Variants in KCNK3 observed in about 807,000 individuals in gnomAD.
KCNK3 encodes the protein potassium two pore domain channel subfamily K member 3, also known as potassium channel subfamily K member 3.
KCNK3 carries 9 observed loss-of-function variants against 27.3 expected under a neutral mutation model. The observed-to-expected ratio is 0.33, with a 90% CI of 0.20 to 0.57. KCNK3 has a LOEUF of 0.57. Ranked by LOEUF, KCNK3 falls within the 20% of genes least tolerant of loss-of-function variation. KCNK3 has a pLI of 0.87. For missense variants in KCNK3, 391 were observed against 577.7 expected, an observed-to-expected ratio of 0.68 and a Z score of 3.31; for synonymous variants, 278 against 273.8, an observed-to-expected ratio of 1.02 and a Z score of -0.15.
chr2:26,699,652 T>C (rs765896299), intron 1 of KCNK3, among the ~76,000 whole-genome samples: 1 of 151,868 alleles, frequency 6.6e-6, no homozygotes, highest in South Asian at 2.1e-4. Context: ...CCACTGGGGG[T>C]CTAGGCCAAG....
At position 26,729,237 on chromosome 2, in the gene KCNK3, T is replaced by C. The variant is rs1663491903; in HGVS notation, c.*669T>C. On this transcript the variant is annotated 3_prime_UTR_variant, in exon 2 of 2. Coordinates refer to ENST00000302909, the MANE Select transcript of KCNK3 (RefSeq NM_002246.3). ...GGCAGCGGCCTGTCAGTCTGCAGAA[T>C]GGTCGCACTGGAGGTTCAAGCTAAC... 1 of 152,474 alleles carries C rather than the reference T, an allele frequency of 6.6e-6. No homozygotes were observed. The highest frequency in any genetic ancestry group is 1.5e-5 in the Non-Finnish European group (1 of 68,106). The allele number at this position is 152,474 out of a possible 1,614,324, so 9.4% of individuals were successfully genotyped here.
Position 26,692,767 on chromosome 2 carries a change from C to T in KCNK3, c.-109C>T. 4 of 544,226 alleles carry T rather than the reference C, an allele frequency of 7.3e-6. No individual in the cohort carries two copies. The highest frequency in any genetic ancestry group is 9.3e-6 in the Non-Finnish European group (4 of 428,708). The allele number at this position is 544,226 out of a possible 1,614,324, so 33.7% of individuals were successfully genotyped here. On this transcript the variant is annotated 5_prime_UTR_variant, in exon 1 of 2. Coordinates refer to ENST00000302909, the MANE Select transcript of KCNK3 (RefSeq NM_002246.3). The surrounding 1 kb of genome is among the most constrained non-coding windows in gnomAD (Gnocchi z 5.6). The stretch of plus-strand genomic sequence containing the variant: ...CTGAGCGGGTGCCCGGCGCGGAGAG[C>T]GGCGAGCGCAGCCATGCCCCAGGCC...
Position 26,728,732 on chromosome 2 carries a change from G to A in KCNK3, c.*164G>A, listed in dbSNP as rs1008012263. The A allele has an allele frequency of 1.7e-5, 10 of 578,736 alleles. No individual in the cohort carries two copies. The highest frequency in any genetic ancestry group is 8.2e-5 in the Admixed American group (2 of 24,374). 35.9% of individuals were successfully genotyped at this position (578,736 alleles called of 1,614,324 possible). A position where few individuals can be genotyped will look rare whatever the true frequency, so the allele number is the denominator to read the frequency against. ...CCGACTGTGCCTGCTTGCACCAGCC[G>A]GCAGGAGGCCGGGCTCTGAGGACCC... On this transcript the variant is annotated 3_prime_UTR_variant, in exon 2 of 2. Transcript: ENST00000302909.
chr2:26,723,307 C>T (rs577373140), intron 1 of KCNK3, among the ~76,000 whole-genome samples: 1 of 152,276 alleles, frequency 6.6e-6, no homozygotes, highest in East Asian at 1.9e-4. Flanking sequence ...AAGACAGCTT[C>T]AGCCAGTTTC....
chr2:26,703,285 C>G (rs538862352), intron 1 of KCNK3, among the ~76,000 whole-genome samples: 1 of 152,194 alleles, frequency 6.6e-6, no homozygotes, highest in East Asian at 1.9e-4. Context: ...TAAAGACAAC[C>G]CATTATGAAC....
chr2:26,709,411 A>T (rs1663059220), intron 1 of KCNK3, among the ~76,000 whole-genome samples: 1 of 151,974 alleles, frequency 6.6e-6, no homozygotes, highest in African/African-American at 2.4e-5. Context: ...CTGCCAGGAG[A>T]TGGGAAGGAG....
At position 26,727,242 on chromosome 2, in the gene KCNK3, C is replaced by A. The variant is rs1663436691; in HGVS notation, c.284-425C>A. On this transcript the variant is annotated intron_variant, in intron 1 of 1. Coordinates refer to ENST00000302909, the MANE Select transcript of KCNK3 (RefSeq NM_002246.3). Reference sequence around the variant, plus strand: ...AGAGGACAAGGACCACGCCCGCAGCCCAGGACACTGAACTAGAATCCAGCT... The same window carrying A: ...AGAGGACAAGGACCACGCCCGCAGCACAGGACACTGAACTAGAATCCAGCT... 2.6e-5 allele frequency among the ~76,000 whole-genome samples: 4 copies of A among 152,288 alleles called. No individual in the cohort carries two copies. In the South Asian group the frequency reaches 8.3e-4, roughly 32 times the overall value.
rs763388281 is a variant in KCNK3 at position 26,728,417 on chromosome 2, C to T, written c.1034C>T (p.Ser345Leu). The T allele has an allele frequency of 6.3e-7, 1 of 1,592,446 alleles. No individual in the cohort carries two copies. The highest frequency in any genetic ancestry group is 1.1e-5 in the South Asian group (1 of 90,010). Residue 345 changes from serine to leucine, a missense_variant, in exon 2 of 2, where the codon TCG (serine) becomes TTG (leucine). Transcript: ENST00000302909. ...TSDTCVEQSH[S>L]SPGGGGRYSD... ...GACACGTGCGTGGAGCAGAGCCACTCGTCGCCGGGAGGGGGCGGCCGCTAC... is the reference window on the plus strand; with the variant it reads ...GACACGTGCGTGGAGCAGAGCCACTTGTCGCCGGGAGGGGGCGGCCGCTAC...
At chr2:26,722,850 T>C (rs1663348903) in intron 1 of KCNK3, among the ~76,000 whole-genome samples, 1 of 151,972 alleles carries the variant, frequency 6.6e-6, no homozygotes, top group Non-Finnish European at 1.5e-5. Context: ...AATGGGTGAG[T>C]GAACAGAGAA....
intron 1 of KCNK3, among the ~76,000 whole-genome samples, chr2:26,703,696 C>G (rs560989176): frequency 2.0e-5 from 3 of 152,302 alleles, no homozygotes; most frequent in African/African-American, 7.2e-5. Context: ...AGACCTAGAG[C>G]CTTCCCCAAG....
chr2:26,708,790 A>AC (rs1287737923), intron 1 of KCNK3, among the ~76,000 whole-genome samples: 1 of 152,196 alleles, frequency 6.6e-6, no homozygotes, highest in Non-Finnish European at 1.5e-5. Context: ...TTACAAGAGC[A>AC]CTCTAGCTGC....
chr2:26,726,181 T>C (rs1358387997), intron 1 of KCNK3, among the ~76,000 whole-genome samples: 2 of 150,264 alleles, frequency 1.3e-5, no homozygotes, highest in African/African-American at 4.9e-5. Flanking sequence ...TATCCTGCCT[T>C]GCAATTTAGT....
In KCNK3 at chr2:26,721,449, TCTC is replaced by T. The variant is rs1286934760; in HGVS notation, c.284-6215_284-6213del. Among the ~76,000 whole-genome samples the T allele has an allele frequency of 2.0e-5, 3 of 151,980 alleles. No individual in the cohort carries two copies. Among genetic ancestry groups the T allele is most frequent in the African/African-American group, 7.3e-5 (3 of 41,356 alleles). ...CAGAAGCTAGGCTCCTTCCGCCTCA[TCTC>T]CTTTAACATGCCAATTAGGCTCCCT... On this transcript the variant is annotated intron_variant, in intron 1 of 1. Transcript: ENST00000302909. This position sits in a 1 kb window ranked among gnomAD's most constrained non-coding sequence, Gnocchi z 4.3.
At position 26,716,584 on chromosome 2, in the gene KCNK3, G is replaced by C. The variant is rs190664227; in HGVS notation, c.284-11083G>C. Among the ~76,000 whole-genome samples, 139 of 152,170 alleles carry C rather than the reference G, an allele frequency of 9.1e-4. 1 individual carries two copies. Among genetic ancestry groups the C allele is most frequent in the Admixed American group, 3.3e-3 (50 of 15,284 alleles). On this transcript the variant is annotated intron_variant, in intron 1 of 1. Coordinates refer to ENST00000302909, the MANE Select transcript of KCNK3 (RefSeq NM_002246.3). ...GTAGAAGCCCAACAGGCAGAACAAAGAGCACGAGCAGTGTCCAGAAATGTG... is the reference window on the plus strand; with the variant it reads ...GTAGAAGCCCAACAGGCAGAACAAACAGCACGAGCAGTGTCCAGAAATGTG...
rs1731256 is a variant in KCNK3, at chr2:26,730,879, A to G, written c.*2311A>G. The G allele has an allele frequency of 0.97, 148,985 of 153,650 alleles. 72,385 individuals are homozygous for G. Among genetic ancestry groups the G allele is most frequent in the East Asian group, 1 (5,214 of 5,214 alleles). The allele number at this position is 153,650 out of a possible 1,614,324, so 9.5% of individuals were successfully genotyped here. A position where few individuals can be genotyped will look rare whatever the true frequency, so the allele number is the denominator to read the frequency against. On this transcript the variant is annotated 3_prime_UTR_variant, in exon 2 of 2. Coordinates refer to ENST00000302909, the MANE Select transcript of KCNK3 (RefSeq NM_002246.3). ...GCGGAGAGAAGGTGGGGAAGGGTGC[A>G]GAATGGCCGTGGGGCACAGCGTGGC...
intron 1 of KCNK3, among the ~76,000 whole-genome samples, chr2:26,725,660 G>A (rs1025569354): frequency 2.0e-5 from 3 of 152,192 alleles, no homozygotes; most frequent in South Asian, 2.1e-4. Flanking sequence ...GAGCACAGAC[G>A]TCCTAAGCAC....
At chr2:26,702,497 T>C (rs1300069014) in intron 1 of KCNK3, among the ~76,000 whole-genome samples, 1 of 152,166 alleles carries the variant, frequency 6.6e-6, no homozygotes, top group African/African-American at 2.4e-5. Context: ...TTGCTCTGAG[T>C]GTGTCCAAGG....
At chr2:26,714,102 A>G (rs934239356) in intron 1 of KCNK3, among the ~76,000 whole-genome samples, 3 of 151,950 alleles carry the variant, frequency 2.0e-5, no homozygotes, top group Non-Finnish European at 2.9e-5. Context: ...AAAGAAAAAG[A>G]AAGAAACATG....
intron 1 of KCNK3, among the ~76,000 whole-genome samples, chr2:26,716,512 A>C (rs1663233980): frequency 6.6e-6 from 1 of 152,086 alleles, no homozygotes; most frequent in Non-Finnish European, 1.5e-5. Flanking sequence ...GAGATCAGGG[A>C]AGGTTTCAGA....
Sources: gnomAD v4.1 joint callset for allele counts (sites outside exome capture counted in the v4.1 genomes callset) on GRCh38, gnomAD v4.1.1 for gene constraint, Gnocchi (gnomAD v3.1) non-coding constraint, MANE v1.5 for transcripts, NCBI Gene and HGNC (gene_info 2026-07-23, HGNC 2026-07-21) for gene names.